The following NF1 variants were observed in gnomAD, a reference collection of about 807,000 sequenced individuals.
NF1 encodes the protein neurofibromin.
A neutral mutation model predicts 325.7 loss-of-function variants in NF1; 122 were observed. The ratio of observed to expected loss-of-function variants is 0.37; its 90% CI spans 0.32 to 0.44. The LOEUF is 0.44. NF1 is among the 20% of genes least tolerant of loss of function. The pLI, the probability that NF1 is intolerant of heterozygous loss-of-function variation, is 1.00. For missense variants in NF1, 2,140 were observed against 3,415.4 expected, an observed-to-expected ratio of 0.63 and a Z score of 9.31; for synonymous variants, 1,091 against 1,186.0, an observed-to-expected ratio of 0.92 and a Z score of 1.65.
chr17:31,318,520 G>T lies in NF1; in HGVS notation c.4836-7300G>T, dbSNP rs147909684. 3.6e-4 allele frequency: 582 copies of T among 1,614,080 alleles called. 3 individuals are homozygous for T. The highest frequency in any genetic ancestry group is 3.0e-3 in the Middle Eastern group (18 of 6,062). On this transcript the variant is annotated intron_variant, in intron 36 of 57. Transcript: ENST00000358273. ...GCCTACTTGTTTTGATCGTCTGAGAGAAGAGACTTTGTTTGCCAAAACCAC... is the reference window on the plus strand; with the variant it reads ...GCCTACTTGTTTTGATCGTCTGAGATAAGAGACTTTGTTTGCCAAAACCAC...
rs375176282 is a variant in NF1 at position 31,352,295 on chromosome 17, G to T, written c.7496G>T (p.Gly2499Val). The T allele has an allele frequency of 1.2e-6, 2 of 1,614,032 alleles. No individual in the cohort carries two copies. The highest frequency in any genetic ancestry group is 1.3e-5 in the African/African-American group (1 of 74,982). Residue 2499 changes from glycine (G) to valine (V), a missense_variant, in exon 51 of 58, where the codon GGT becomes GTT. Coordinates refer to ENST00000358273, the MANE Select transcript of NF1 (RefSeq NM_001042492.3). ...KETQPWSSPKGSEGYLAATYP... is the reference protein window; with the variant it reads ...KETQPWSSPKVSEGYLAATYP... ...ACTCAGCCATGGTCCTCTCCCAAAG[G>T]TTCTGAAGGATACCTTGCAGCCACC...
chr17:31,210,796 G>C (rs1266117153), intron 12 of NF1, among the ~76,000 whole-genome samples: 1 of 152,006 alleles, frequency 6.6e-6, no homozygotes, highest in Non-Finnish European at 1.5e-5. Context: ...ATCTAAGATA[G>C]TATTATTATT....
At position 31,242,006 on chromosome 17, in the gene NF1, CT is replaced by C. The variant is rs375490864; in HGVS notation, c.3974+5986del. On this transcript the variant is annotated intron_variant, in intron 29 of 57. Coordinates refer to ENST00000358273, the MANE Select transcript of NF1 (RefSeq NM_001042492.3). ...ATATGAAGGATATTTTCACTGGATACTGTTCTAAGGTAAAAGTTTTTTTTTT... is the reference window on the plus strand; with the variant it reads ...ATATGAAGGATATTTTCACTGGATACGTTCTAAGGTAAAAGTTTTTTTTTT... 3.1e-3 allele frequency among the ~76,000 whole-genome samples: 464 copies of C among 152,018 alleles called. 3 individuals carry two copies. The highest frequency in any genetic ancestry group is 0.011 in the African/African-American group (450 of 41,522).
chr17:31,359,272 T>G (rs1186121521), intron 56 of NF1: 1 of 474,928 alleles, frequency 2.1e-6, no homozygotes, highest in Non-Finnish European at 3.8e-6. Context: ...TAAACCTCTG[T>G]GATACTTTTC....
intron 1 of NF1, among the ~76,000 whole-genome samples, chr17:31,141,920 C>T (rs1359981949): frequency 1.3e-5 from 2 of 152,270 alleles, no homozygotes; most frequent in Middle Eastern, 3.4e-3. Flanking sequence ...GGTACTTCCC[C>T]TCTAGCATGG....
intron 1 of NF1, among the ~76,000 whole-genome samples, chr17:31,150,423 T>G (rs1205261890): frequency 1.3e-5 from 2 of 152,150 alleles, no homozygotes; most frequent in African/African-American, 2.4e-5. Flanking sequence ...GTGGTTACCA[T>G]TATATTAATA....
Position 31,132,539 on chromosome 17 carries a change from CA to C in NF1, c.61-23437del, listed in dbSNP as rs201228850. Among the ~76,000 whole-genome samples, 1,089 of 151,898 alleles carry C rather than the reference CA, an allele frequency of 7.2e-3. 14 individuals carry two copies. Among genetic ancestry groups the C allele is most frequent in the African/African-American group, 0.025 (1,049 of 41,444 alleles). On this transcript the variant is annotated intron_variant, in intron 1 of 57. Coordinates refer to ENST00000358273, the MANE Select transcript of NF1 (RefSeq NM_001042492.3). ...TGGGCCACAGAGCAAGACTTCATCT[CA>C]AAAAAATAAAAAGACTCATTTCTTA...
chr17:31,233,860 A>G (rs2067155759), intron 27 of NF1, among the ~76,000 whole-genome samples: 1 of 152,206 alleles, frequency 6.6e-6, no homozygotes, highest in Non-Finnish European at 1.5e-5. Context: ...TGTCCTTGTT[A>G]ACAAGCCTGT....
intron 36 of NF1, chr17:31,272,497 T>C (rs1310349934): frequency 6.6e-6 from 1 of 152,216 alleles, no homozygotes; most frequent in Non-Finnish European, 1.5e-5. Context: ...TTGTGGCTCT[T>C]TGGGGTCACT....
At chr17:31,119,992 A>G (rs1255713541) in intron 1 of NF1, among the ~76,000 whole-genome samples, 3 of 152,190 alleles carry the variant, frequency 2.0e-5, no homozygotes, top group Non-Finnish European at 4.4e-5. Flanking sequence ...TTTCAGTACC[A>G]TGCTATTTTG....
intron 1 of NF1, among the ~76,000 whole-genome samples, chr17:31,116,099 A>T (rs1567796456): frequency 6.6e-6 from 1 of 152,220 alleles, no homozygotes; most frequent in Non-Finnish European, 1.5e-5. Context: ...GACTTTACTC[A>T]TGCAGATATC....
At chr17:31,174,038 T>C (rs763407095) in intron 5 of NF1, among the ~76,000 whole-genome samples, 1 of 152,200 alleles carries the variant, frequency 6.6e-6, no homozygotes, top group Non-Finnish European at 1.5e-5. Flanking sequence ...ATCTCTCTCT[T>C]AGACACTTAC....
chr17:31,201,566 C>G (rs2066531735), intron 11 of NF1, 81 bp downstream of exon 11: 5 of 1,027,770 alleles, frequency 4.9e-6, no homozygotes, highest in African/African-American at 4.8e-5. Flanking sequence ...AAGAAATGCA[C>G]TCTTGGTTTT....
At chr17:31,360,316 G>T in intron 56 of NF1, 171 bp from the exon 57 acceptor site, 1 of 639,984 alleles carries the variant, frequency 1.6e-6, no homozygotes, top group African/African-American at 1.8e-5. Context: ...ACTCCCTGTT[G>T]TAAGTCCTAT....
chr17:31,189,758 A>ATTT (rs1007309645), intron 8 of NF1, among the ~76,000 whole-genome samples: 5 of 118,548 alleles, frequency 4.2e-5, no homozygotes, highest in South Asian at 2.7e-4. Context: ...AAAGAAAAGT[A>ATTT]TTTTTTTTTT....
intron 36 of NF1, among the ~76,000 whole-genome samples, chr17:31,275,975 C>T (rs927187561): frequency 9.2e-5 from 14 of 151,826 alleles, no homozygotes; most frequent in African/African-American, 3.1e-4. Flanking sequence ...TTTGGGAGGC[C>T]GAGGTGGGCA....
intron 36 of NF1, chr17:31,318,271 G>A (rs753045263): frequency 1.3e-6 from 2 of 1,569,362 alleles, no homozygotes; most frequent in South Asian, 1.2e-5. Context: ...TACTCCATAA[G>A]CCTTCTCATT....
intron 36 of NF1, chr17:31,314,511 G>A (rs1435830168): frequency 2.0e-5 from 3 of 152,264 alleles, no homozygotes; most frequent in African/African-American, 7.2e-5. Flanking sequence ...AAATAAGATA[G>A]CATAATATAA....
chr17:31,210,862 G>A (rs945865174), intron 12 of NF1, among the ~76,000 whole-genome samples: 1 of 151,868 alleles, frequency 6.6e-6, no homozygotes, highest in African/African-American at 2.4e-5. Context: ...TGAATGTTGA[G>A]CCATAACTTC....
Sources: gnomAD v4.1 joint callset for allele counts (sites outside exome capture counted in the v4.1 genomes callset) on GRCh38, gnomAD v4.1.1 for gene constraint, MANE v1.5 for transcripts, NCBI Gene and HGNC (gene_info 2026-07-23, HGNC 2026-07-21) for gene names.